The following EEF2K variants were observed in gnomAD, a reference collection of about 807,000 sequenced individuals.
The protein encoded by EEF2K is eukaryotic elongation factor 2 kinase, also known as alternative protein EEF2K.
A neutral mutation model predicts 93.8 loss-of-function variants in EEF2K; 70 were observed. That is an observed-to-expected ratio of 0.75 (90% CI 0.62 to 0.91). The LOEUF is 0.91. Ranked by LOEUF, EEF2K falls within the 40% of genes least tolerant of loss-of-function variation. The probability of loss-of-function intolerance (pLI) is 0.00; values close to 1 mark genes in which losing one functional copy is unlikely to be tolerated. For synonymous variants in EEF2K, 376 were observed against 380.8 expected (o/e 0.99, Z 0.15); for missense variants, 935 against 972.9 (o/e 0.96, Z 0.52).
chr16:22,269,868 A>G (rs2047559678), intron 15 of EEF2K, among the ~76,000 whole-genome samples: 1 of 151,790 alleles, frequency 6.6e-6, no homozygotes, highest in African/African-American at 2.4e-5. Context: ...TTAGCATCCT[A>G]CACACACACT....
chr16:22,240,101 CA>C (rs765234012), intron 2 of EEF2K, among the ~76,000 whole-genome samples: 11,321 of 58,252 alleles, frequency 0.19, 290 homozygotes, highest in African/African-American at 0.23. Flanking sequence ...GACTCCATCT[CA>C]AAAAAAAAAA....
intron 1 of EEF2K, among the ~76,000 whole-genome samples, chr16:22,209,388 A>G (rs988454948): frequency 6.6e-6 from 1 of 152,044 alleles, no homozygotes; most frequent in Non-Finnish European, 1.5e-5. Flanking sequence ...AGTCTTGTCC[A>G]GTTTTTGGCA....
Position 22,229,851 on chromosome 16 carries a change from C to G in EEF2K, c.246+3876C>G, listed in dbSNP as rs541911504. ...GTACTGTAAACAAAATGCCTATTAC[C>G]ACTTGGGGATTTGAAATTAAAAATA... is the stretch of plus-strand genomic sequence containing the variant. On this transcript the variant is annotated intron_variant, in intron 2 of 17. Transcript: ENST00000263026. 2.6e-5 allele frequency among the ~76,000 whole-genome samples: 4 copies of G among 152,284 alleles called. No homozygotes were observed. The South Asian group carries it at 8.3e-4, about 32-fold the overall frequency.
intron 1 of EEF2K, 73 bp downstream of exon 1, chr16:22,206,752 C>CAGCTGGCGTCTGGAGCGTGCTGGGTCT (rs2046867152): frequency 1.3e-5 from 2 of 152,714 alleles, no homozygotes; most frequent in Admixed American, 1.3e-4. Flanking sequence ...CGCCCGGGTG[C>CAGCTGGCGTCTGGAGCGTGCTGGGTCT]AGCTGGCGTC....
chr16:22,238,541 G>T (rs1453908232), intron 2 of EEF2K, among the ~76,000 whole-genome samples: 2 of 151,710 alleles, frequency 1.3e-5, no homozygotes, highest in African/African-American at 4.8e-5. Flanking sequence ...AGCTACCTGG[G>T]AGGCTGAGTT....
chr16:22,247,082 C>T (rs1029705039), intron 3 of EEF2K, among the ~76,000 whole-genome samples: 6 of 148,080 alleles, frequency 4.1e-5, no homozygotes, highest in African/African-American at 1.5e-4. Context: ...CTAGAATTGC[C>T]CTTGCCCACT....
At position 22,225,723 on chromosome 16, in the gene EEF2K, C is replaced by T; in HGVS notation, c.-7C>T. 1 of 1,613,612 alleles carries T rather than the reference C, an allele frequency of 6.2e-7. No homozygotes were observed. The highest frequency in any genetic ancestry group is 8.5e-7 in the Non-Finnish European group (1 of 1,179,758). ...TACTGCTTGGGTAAAACGGGCACCCCAGGAACATGGCAGACGAAGATCTCA... is the reference window on the plus strand; with the variant it reads ...TACTGCTTGGGTAAAACGGGCACCCTAGGAACATGGCAGACGAAGATCTCA... On this transcript the variant is annotated 5_prime_UTR_variant, in exon 2 of 18. Transcript: ENST00000263026.
chr16:22,243,922 C>CAAA (rs1011054825), intron 2 of EEF2K, among the ~76,000 whole-genome samples: 9,351 of 61,742 alleles, frequency 0.15, 692 homozygotes, highest in East Asian at 0.48. Context: ...GACCCTGTCT[C>CAAA]AAAAAAAAAA....
chr16:22,243,051 G>C (rs955304411), intron 2 of EEF2K, among the ~76,000 whole-genome samples: 1 of 151,412 alleles, frequency 6.6e-6, no homozygotes, highest in Non-Finnish European at 1.5e-5. Flanking sequence ...GACAGGGTGA[G>C]ACCCCGTCTC....
At chr16:22,211,014 C>T (rs1335152142) in intron 1 of EEF2K, among the ~76,000 whole-genome samples, 1 of 152,168 alleles carries the variant, frequency 6.6e-6, no homozygotes, top group Non-Finnish European at 1.5e-5. Flanking sequence ...GTTATTTGTG[C>T]TCTTTCATTG....
In EEF2K at chr16:22,255,965, G is replaced by A. The variant is rs1490257459; in HGVS notation, c.619-783G>A. On this transcript the variant is annotated intron_variant, in intron 6 of 17. Transcript: ENST00000263026. ...GTCTCACTCTGTCATCCAGGCTGGA[G>A]TGCAGTGACATGATCTTGGCTCACT... Among the ~76,000 whole-genome samples the A allele has an allele frequency of 2.0e-5, 3 of 151,820 alleles. No individual in the cohort carries two copies. The East Asian group carries it at 5.9e-4, about 30-fold the overall frequency.
At chr16:22,243,198 A>G (rs966812070) in intron 2 of EEF2K, among the ~76,000 whole-genome samples, 6 of 151,498 alleles carry the variant, frequency 4.0e-5, no homozygotes, top group African/African-American at 1.5e-4. Context: ...TTATAAAAAG[A>G]GGTCATTGGG....
intron 2 of EEF2K, among the ~76,000 whole-genome samples, chr16:22,237,298 G>A (rs909089390): frequency 5.9e-5 from 9 of 151,796 alleles, no homozygotes; most frequent in South Asian, 4.2e-4. Flanking sequence ...ACTGAGTTCC[G>A]GAATCCTTAG....
chr16:22,286,682 G>C lies in EEF2K; in HGVS notation c.*2686G>C, dbSNP rs916443740. The C allele has an allele frequency of 3.9e-5, 6 of 152,290 alleles. No homozygotes were observed. The highest frequency in any genetic ancestry group is 2.6e-4 in the Admixed American group (4 of 15,290). 9.4% of individuals were successfully genotyped at this position (152,290 alleles called of 1,614,324 possible). On this transcript the variant is annotated 3_prime_UTR_variant, in exon 18 of 18. Coordinates refer to ENST00000263026, the MANE Select transcript of EEF2K (RefSeq NM_013302.5). ...TTTGTCAACCCTTGCTCTAACCCTT[G>C]ACTGAGAGCTACTTTATTAAGCCCT...
chr16:22,280,470 A>C, intron 17 of EEF2K, 94 bp downstream of exon 17: 1 of 1,271,512 alleles, frequency 7.9e-7, no homozygotes, highest in Non-Finnish European at 1.0e-6. Flanking sequence ...TGACAAGATG[A>C]CAGGCTGAAT....
In EEF2K at chr16:22,284,144, T is replaced by C; in HGVS notation, c.*148T>C. 2.7e-6 allele frequency: 2 copies of C among 751,138 alleles called. No individual in the cohort carries two copies. Among genetic ancestry groups the C allele is most frequent in the Non-Finnish European group, 4.4e-6 (2 of 459,590 alleles). The allele number at this position is 751,138 out of a possible 1,614,324, so 46.5% of individuals were successfully genotyped here. A position where few individuals can be genotyped will look rare whatever the true frequency, so the allele number is the denominator to read the frequency against. On this transcript the variant is annotated 3_prime_UTR_variant, in exon 18 of 18. Coordinates refer to ENST00000263026, the MANE Select transcript of EEF2K (RefSeq NM_013302.5). ...ATTTTATATTTCATTTTTTGACTCTTGAAAAATGTCTTTGCTCCTTGGCAG... is the reference window on the plus strand; with the variant it reads ...ATTTTATATTTCATTTTTTGACTCTCGAAAAATGTCTTTGCTCCTTGGCAG...
Position 22,266,530 on chromosome 16 carries a change from G to A in EEF2K, c.1575+6G>A, listed in dbSNP as rs754589222. On this transcript the variant is annotated splice_donor_region_variant and intron_variant, in intron 14 of 17. Transcript: ENST00000263026. ...GGAAGTCCATTTTGGGGAAGGTATC[G>A]GCGATGCCCATTTTGGAGCCCTGTC... The A allele has an allele frequency of 9.3e-6, 15 of 1,614,014 alleles. No individual in the cohort carries two copies. Among genetic ancestry groups the A allele is most frequent in the East Asian group, 6.7e-5 (3 of 44,882 alleles).
intron 1 of EEF2K, among the ~76,000 whole-genome samples, chr16:22,209,706 C>T (rs892277826): frequency 1.8e-4 from 27 of 152,198 alleles, no homozygotes; most frequent in African/African-American, 6.0e-4. Flanking sequence ...ACCTTGTCTC[C>T]ACCTGGGATG....
At chr16:22,227,269 G>A (rs2047073885) in intron 2 of EEF2K, among the ~76,000 whole-genome samples, 1 of 152,134 alleles carries the variant, frequency 6.6e-6, no homozygotes, top group South Asian at 2.1e-4. Context: ...TGCTGCCCAG[G>A]CTGGAATACA....
Sources: gnomAD v4.1 joint callset for allele counts (sites outside exome capture counted in the v4.1 genomes callset) on GRCh38, gnomAD v4.1.1 for gene constraint, MANE v1.5 for transcripts, NCBI Gene and HGNC (gene_info 2026-07-23, HGNC 2026-07-21) for gene names.